The following FRAS1 variants were observed in gnomAD, a reference collection of about 807,000 sequenced individuals.
FRAS1 encodes Fraser extracellular matrix complex subunit 1.
Under a neutral mutation model 435.2 loss-of-function variants are expected in FRAS1, and 290 were observed. That is an observed-to-expected ratio of 0.67 (90% confidence interval 0.61 to 0.73). FRAS1 has a LOEUF of 0.73. Ranked by LOEUF, FRAS1 falls within the 30% of genes least tolerant of loss-of-function variation. The pLI is 0.00. For synonymous variants in FRAS1, 1,800 were observed against 1,851.0 expected, an observed-to-expected ratio of 0.97 and a Z score of 0.71; for missense variants, 4,860 against 5,001.5, an observed-to-expected ratio of 0.97 and a Z score of 0.85.
chr4:78,384,205 C>T (rs1190685998), intron 28 of FRAS1, 62 bp downstream of exon 28: 1 of 1,138,210 alleles, frequency 8.8e-7, no homozygotes, highest in East Asian at 2.5e-5. Flanking sequence ...AGCACGAAAT[C>T]TAGGTTTCCT....
At chr4:78,241,166 G>A (rs945079656) in intron 3 of FRAS1, among the ~76,000 whole-genome samples, 25 of 152,108 alleles carry the variant, frequency 1.6e-4, no homozygotes, top group Non-Finnish European at 3.2e-4. Context: ...GAGAAGTGGG[G>A]CCTTAGGTAG....
intron 2 of FRAS1, among the ~76,000 whole-genome samples, chr4:78,146,565 C>T (rs1057154231): frequency 6.6e-6 from 1 of 152,118 alleles, no homozygotes; most frequent in African/African-American, 2.4e-5. Context: ...TGTCCATTCT[C>T]TAGCTTCAAC....
chr4:78,306,053 G>T (rs1261533595), intron 14 of FRAS1, among the ~76,000 whole-genome samples: 1 of 151,910 alleles, frequency 6.6e-6, no homozygotes, highest in African/African-American at 2.4e-5. Flanking sequence ...TTTATGGTAG[G>T]CCTGGTGGTG....
intron 14 of FRAS1, among the ~76,000 whole-genome samples, chr4:78,292,690 C>A (rs1052599225): frequency 4.1e-4 from 62 of 152,258 alleles, no homozygotes; most frequent in East Asian, 3.1e-3. Context: ...AATCCAGGAG[C>A]CCTCCTCGCA....
chr4:78,267,430 C>T lies in FRAS1; in HGVS notation c.979C>T (p.Arg327Trp), dbSNP rs61999335. The change falls in exon 9 of 74, where the codon CGG becomes TGG. Residue 327 changes from arginine (R) to tryptophan (W), a missense_variant and splice_region_variant. Coordinates refer to ENST00000512123, the MANE Select transcript of FRAS1 (RefSeq NM_025074.7). ...AGAGTGTGCCAAAGTGGAGTGTGCC[C>T]GGGTAAGAAGCAGGGGCATTTCCAT... ...TGECAKVECA[R>W]DEELIHLDGK... 0.013 allele frequency: 21,537 copies of T among 1,612,872 alleles called. 365 individuals are homozygous for T. Among genetic ancestry groups the T allele is most frequent in the Admixed American group, 0.081 (4,854 of 59,844 alleles).
intron 20 of FRAS1, among the ~76,000 whole-genome samples, chr4:78,343,194 G>C (rs1730466017): frequency 6.6e-6 from 1 of 152,214 alleles, no homozygotes; most frequent in South Asian, 2.1e-4. Flanking sequence ...TGTGTGCTGT[G>C]AATCTTTAAG....
chr4:78,513,627 A>G, intron 65 of FRAS1, 75 bp downstream of exon 65: 1 of 1,340,168 alleles, frequency 7.5e-7, no homozygotes, highest in Non-Finnish European at 1.1e-6. Context: ...TGCCAGAGTG[A>G]GAACTGCTTT....
In FRAS1 at chr4:78,323,391, A is replaced by G. The variant is rs1297724462; in HGVS notation, c.2137+4405A>G. Among the ~76,000 whole-genome samples, 9 of 152,356 alleles carry G rather than the reference A, an allele frequency of 5.9e-5. No individual in the cohort carries two copies. The East Asian group carries it at 1.7e-3, about 29-fold the overall frequency. ...GCTGAGTGTTTGCTAGCACTGATAG[A>G]TTCAAGTGACTTCATAAAAAAGCAA... On this transcript the variant is annotated intron_variant, in intron 18 of 73. Coordinates refer to ENST00000512123, the MANE Select transcript of FRAS1 (RefSeq NM_025074.7).
intron 15 of FRAS1, among the ~76,000 whole-genome samples, chr4:78,312,786 C>T (rs937937460): frequency 1.3e-5 from 2 of 151,352 alleles, no homozygotes; most frequent in African/African-American, 4.9e-5. Flanking sequence ...GAGCCATGAT[C>T]GTGCTGCTGC....
At chr4:78,194,174 A>C (rs1424951675) in intron 2 of FRAS1, among the ~76,000 whole-genome samples, 1 of 152,216 alleles carries the variant, frequency 6.6e-6, no homozygotes. Flanking sequence ...TTTGTGGGTA[A>C]CCCGACCTTT....
At chr4:78,118,663 T>A (rs989160105) in intron 2 of FRAS1, among the ~76,000 whole-genome samples, 6 of 152,052 alleles carry the variant, frequency 3.9e-5, no homozygotes, top group Non-Finnish European at 5.9e-5. Flanking sequence ...CTAAGACCGT[T>A]GGAAAAGCAC....
chr4:78,061,470 G>T (rs1460254052), intron 1 of FRAS1, among the ~76,000 whole-genome samples: 4 of 152,196 alleles, frequency 2.6e-5, no homozygotes, highest in African/African-American at 9.7e-5. Context: ...TTGAGCTTTA[G>T]TCTGTGTCCC....
intron 51 of FRAS1, among the ~76,000 whole-genome samples, chr4:78,470,804 A>T (rs1719679898): frequency 6.6e-6 from 1 of 152,026 alleles, no homozygotes; most frequent in African/African-American, 2.4e-5. Flanking sequence ...CTGAGGGACA[A>T]CTGTACCAGC....
Position 78,201,646 on chromosome 4 carries a change from G to C in FRAS1, c.109-35864G>C, listed in dbSNP as rs17003043. On this transcript the variant is annotated intron_variant, in intron 2 of 73. Coordinates refer to ENST00000512123, the MANE Select transcript of FRAS1 (RefSeq NM_025074.7). The stretch of plus-strand genomic sequence containing the variant: ...TTCTGACGTTCTGACTCAACCAATT[G>C]CTTCTGAAATTTGTAATATTAAAGA... Among the ~76,000 whole-genome samples, 130 of 152,112 alleles carry C rather than the reference G, an allele frequency of 8.5e-4. 1 individual carries two copies. Among genetic ancestry groups the C allele is most frequent in the African/African-American group, 3.1e-3 (128 of 41,478 alleles).
intron 2 of FRAS1, among the ~76,000 whole-genome samples, chr4:78,101,911 A>G (rs1352133962): frequency 6.6e-6 from 1 of 152,162 alleles, no homozygotes; most frequent in Non-Finnish European, 1.5e-5. Context: ...GCTCGTGTCC[A>G]TTTGTTCACT....
At position 78,464,010 on chromosome 4, in the gene FRAS1, C is replaced by T; in HGVS notation, c.6764-11C>T. ...TATCCTGTCTCTGTTTCTCTTTTCC[C>T]CTTTTTCTAGGTATCCAGATTAGTT... On this transcript the variant is annotated splice_polypyrimidine_tract_variant and intron_variant, in intron 47 of 73. Coordinates refer to ENST00000512123, the MANE Select transcript of FRAS1 (RefSeq NM_025074.7). The T allele has an allele frequency of 2.5e-6, 4 of 1,612,484 alleles. No individual in the cohort carries two copies. The highest frequency in any genetic ancestry group is 3.4e-6 in the Non-Finnish European group (4 of 1,179,688).
chr4:78,190,985 A>C (rs1251051083), intron 2 of FRAS1, among the ~76,000 whole-genome samples: 1 of 152,236 alleles, frequency 6.6e-6, no homozygotes, highest in Non-Finnish European at 1.5e-5. Context: ...AAGAAAAGGA[A>C]GAGAGACCAG....
chr4:78,072,668 C>T (rs568213263), intron 2 of FRAS1, among the ~76,000 whole-genome samples: 4 of 152,160 alleles, frequency 2.6e-5, no homozygotes, highest in Admixed American at 2.0e-4. Flanking sequence ...TAGGATATCA[C>T]CATTTTAAGT....
At chr4:78,398,938 G>A (rs997914415) in intron 29 of FRAS1, among the ~76,000 whole-genome samples, 2 of 151,990 alleles carry the variant, frequency 1.3e-5, no homozygotes, top group African/African-American at 2.4e-5. Flanking sequence ...AGCCAAGTTC[G>A]TGCAATTGCA....
Sources: gnomAD v4.1 joint callset for allele counts (sites outside exome capture counted in the v4.1 genomes callset) on GRCh38, gnomAD v4.1.1 for gene constraint, MANE v1.5 for transcripts, NCBI Gene and HGNC (gene_info 2026-07-23, HGNC 2026-07-21) for gene names.